Variants in SLC39A11 observed in about 807,000 individuals in gnomAD.
SLC39A11 encodes the protein zinc transporter ZIP11.
In SLC39A11, 33 loss-of-function variants were observed where a neutral mutation model predicts 36.1. The observed-to-expected ratio is 0.91, with a 90% CI of 0.69 to 1.22. SLC39A11 has a LOEUF of 1.22. Ranked by LOEUF, SLC39A11 falls within the 50% of genes most tolerant of loss-of-function variation. The probability of loss-of-function intolerance (pLI) is 0.00; values close to 1 mark genes in which losing one functional copy is unlikely to be tolerated. For missense variants in SLC39A11, 432 were observed against 430.3 expected (o/e 1.00, Z -0.03); for synonymous variants, 166 against 170.3 (o/e 0.97, Z 0.20).
chr17:72,880,838 C>T (rs1028223209), intron 5 of SLC39A11, among the ~76,000 whole-genome samples: 4 of 150,806 alleles, frequency 2.7e-5, no homozygotes, highest in East Asian at 4.1e-4. Context: ...CCCGCCACCA[C>T]GCCCGGCTAA....
chr17:73,036,739 G>A (rs561222637), intron 3 of SLC39A11, among the ~76,000 whole-genome samples: 3 of 152,248 alleles, frequency 2.0e-5, no homozygotes, highest in African/African-American at 7.2e-5. Flanking sequence ...GAGCCACCAC[G>A]ACCAGCTGGT....
chr17:72,997,612 T>C (rs949849757), intron 4 of SLC39A11, among the ~76,000 whole-genome samples: 1 of 152,226 alleles, frequency 6.6e-6, no homozygotes, highest in Non-Finnish European at 1.5e-5. Context: ...CCCAGTCAAG[T>C]GTCAAGTGTG....
intron 5 of SLC39A11, among the ~76,000 whole-genome samples, chr17:72,947,059 G>T (rs754912008): frequency 6.6e-6 from 1 of 152,202 alleles, no homozygotes; most frequent in South Asian, 2.1e-4. Flanking sequence ...AGTGGCTCAT[G>T]CCTGTAATTC....
chr17:72,861,740 T>TTATATATATA (rs71945815), intron 5 of SLC39A11, among the ~76,000 whole-genome samples: 1 of 67,346 alleles, frequency 1.5e-5, no homozygotes, highest in Non-Finnish European at 2.9e-5. Context: ...ACATTGGAGA[T>TTATATATATA]TATATATATA....
chr17:72,905,172 C>CAAAAAAAAAAAAAAAAAAA (rs58702930), intron 5 of SLC39A11, among the ~76,000 whole-genome samples: 1 of 42,918 alleles, frequency 2.3e-5, no homozygotes, highest in African/African-American at 9.1e-5. Context: ...GACTCCATCT[C>CAAAAAAAAAAAAAAAAAAA]AAAAAAAAAA....
intron 5 of SLC39A11, among the ~76,000 whole-genome samples, chr17:72,863,472 T>C (rs2080144594): frequency 6.6e-6 from 1 of 152,190 alleles, no homozygotes; most frequent in Non-Finnish European, 1.5e-5. Context: ...GTGATGGTTC[T>C]ACTCATAAGG....
intron 3 of SLC39A11, among the ~76,000 whole-genome samples, chr17:73,060,664 G>A (rs1193391534): frequency 6.7e-6 from 1 of 149,370 alleles, no homozygotes; most frequent in Non-Finnish European, 1.5e-5. Context: ...GATATTATAC[G>A]AATTAGGCTT....
chr17:73,086,187 C>T (rs2060723561), intron 2 of SLC39A11, among the ~76,000 whole-genome samples: 1 of 152,146 alleles, frequency 6.6e-6, no homozygotes. Flanking sequence ...GGAGCTGGTA[C>T]TGTTTTGTTT....
chr17:73,052,685 GAA>G (rs1229504564), intron 3 of SLC39A11, among the ~76,000 whole-genome samples: 1 of 152,168 alleles, frequency 6.6e-6, no homozygotes, highest in African/African-American at 2.4e-5. Flanking sequence ...GTTACTACTG[GAA>G]AAGAGGGCAG....
rs2085543082 is a variant in SLC39A11 at position 72,947,980 on chromosome 17, C to A, written c.307-105G>T. On this transcript the variant is annotated intron_variant, in intron 4 of 9. Coordinates refer to ENST00000255559, the MANE Select transcript of SLC39A11 (RefSeq NM_139177.4). ...GGCAACTTGCCAGTCTCTACCAAGA[C>A]CGCCACAGCTGAGCCAGTCCTCCGG... 6.9e-6 allele frequency: 10 copies of A among 1,444,126 alleles called. No individual in the cohort carries two copies. The South Asian group carries it at 9.8e-5, about 14-fold the overall frequency. 89.5% of individuals were successfully genotyped at this position (1,444,126 alleles called of 1,614,324 possible).
intron 7 of SLC39A11, among the ~76,000 whole-genome samples, chr17:72,727,687 G>T (rs2073989476): frequency 6.6e-6 from 1 of 151,334 alleles, no homozygotes; most frequent in Admixed American, 6.6e-5. Flanking sequence ...GAAGCAAGCT[G>T]TGTTTCCCTT....
chr17:72,909,207 C>T (rs567146555), intron 5 of SLC39A11, among the ~76,000 whole-genome samples: 4 of 152,302 alleles, frequency 2.6e-5, no homozygotes, highest in Middle Eastern at 6.8e-3. Flanking sequence ...TGGGCTCAAG[C>T]GATCCTCCCA....
intron 5 of SLC39A11, among the ~76,000 whole-genome samples, chr17:72,851,460 T>C (rs887173110): frequency 2.0e-5 from 3 of 152,188 alleles, no homozygotes; most frequent in Admixed American, 6.5e-5. Context: ...GAAGGGTCCC[T>C]TTATTGGGAG....
intron 3 of SLC39A11, among the ~76,000 whole-genome samples, chr17:73,062,817 C>T (rs1190254136): frequency 6.6e-6 from 1 of 152,060 alleles, no homozygotes; most frequent in Non-Finnish European, 1.5e-5. Flanking sequence ...ATAAGGAGAC[C>T]GTAACCTAGA....
chr17:73,047,993 ATATATATATAT>A (rs2059373019), intron 3 of SLC39A11, among the ~76,000 whole-genome samples: 31 of 55,004 alleles, frequency 5.6e-4, no homozygotes, highest in African/African-American at 9.9e-4. Flanking sequence ...AAAAAAAAAT[ATATATATATAT>A]ATATATATAT....
chr17:72,796,845 C>T (rs2145162541), intron 6 of SLC39A11, among the ~76,000 whole-genome samples: 1 of 152,266 alleles, frequency 6.6e-6, no homozygotes, highest in South Asian at 2.1e-4. Flanking sequence ...GCTAAGTATG[C>T]AAGAAGATGT....
intron 5 of SLC39A11, among the ~76,000 whole-genome samples, chr17:72,900,980 C>CACA (rs2082365910): frequency 7.6e-5 from 3 of 39,354 alleles, no homozygotes; most frequent in Non-Finnish European, 1.5e-4. Context: ...AAACAAACAA[C>CACA]AAAAAAAAAA....
At chr17:72,665,760 T>C (rs938591001) in intron 7 of SLC39A11, among the ~76,000 whole-genome samples, 1 of 152,178 alleles carries the variant, frequency 6.6e-6, no homozygotes, top group African/African-American at 2.4e-5. Context: ...CTACCTTTTT[T>C]CTAAAACCTA....
intron 6 of SLC39A11, among the ~76,000 whole-genome samples, chr17:72,778,274 T>A (rs1598692586): frequency 6.6e-6 from 1 of 152,152 alleles, no homozygotes; most frequent in East Asian, 1.9e-4. Context: ...CCACAGAGGC[T>A]CAGCTCCGCA....
Sources: gnomAD v4.1 joint callset for allele counts (sites outside exome capture counted in the v4.1 genomes callset) on GRCh38, gnomAD v4.1.1 for gene constraint, MANE v1.5 for transcripts, NCBI Gene and HGNC (gene_info 2026-07-23, HGNC 2026-07-21) for gene names.